The following WDR88 variants were observed in gnomAD, a reference collection of about 807,000 sequenced individuals.
The protein encoded by WDR88 is WD repeat-containing protein 88.
In WDR88, 40 loss-of-function variants were observed where a neutral mutation model predicts 46.8. The observed-to-expected ratio is 0.86, with a 90% CI of 0.66 to 1.11. WDR88 has a LOEUF of 1.11. WDR88 is among the 50% of genes most tolerant of loss of function. WDR88 has a pLI of 0.00. For missense variants in WDR88, 562 were observed against 602.4 expected (o/e 0.93, Z 0.70); for synonymous variants, 235 against 240.7 (o/e 0.98, Z 0.22).
At chr19:33,143,415 A>G (rs12983024) in intron 2 of WDR88, among the ~76,000 whole-genome samples, 16,409 of 148,514 alleles carry the variant, frequency 0.11, 1,168 homozygotes, top group South Asian at 0.21. Flanking sequence ...AGGTTGAGGC[A>G]GGAGGATCGC....
intron 8 of WDR88, among the ~76,000 whole-genome samples, chr19:33,161,359 C>A (rs977202857): frequency 2.0e-5 from 3 of 152,052 alleles, no homozygotes; most frequent in South Asian, 2.1e-4. Flanking sequence ...TGTTATCCAA[C>A]ACAGCAAGAA....
chr19:33,159,122 G>A (rs945164559), intron 7 of WDR88, among the ~76,000 whole-genome samples: 8 of 151,596 alleles, frequency 5.3e-5, no homozygotes, highest in African/African-American at 1.9e-4. Flanking sequence ...CTTGAACCCA[G>A]GAGTTTGAGA....
chr19:33,146,491 C>G, intron 3 of WDR88, among the ~76,000 whole-genome samples: 1 of 73,416 alleles, frequency 1.4e-5, no homozygotes. Context: ...TTCCTTCCTT[C>G]CTTCCCCTTC....
chr19:33,172,255 T>C, intron 9 of WDR88, 93 bp from the exon 10 acceptor site: 1 of 1,099,018 alleles, frequency 9.1e-7, no homozygotes, highest in Non-Finnish European at 1.3e-6. Flanking sequence ...TTTTGTGCCT[T>C]GACAGCCCAT....
rs1224444134 is a variant in WDR88 at position 33,132,146 on chromosome 19, G to A, written c.-24G>A. On this transcript the variant is annotated 5_prime_UTR_variant, in exon 1 of 11. Transcript: ENST00000355868. Reference sequence around the variant, plus strand: ...CCGTTCCCATCCAGGCTTGTCGGCGGCCACCGGCGGACCGGGCTTCGAGAT... The same window carrying A: ...CCGTTCCCATCCAGGCTTGTCGGCGACCACCGGCGGACCGGGCTTCGAGAT... The A allele has an allele frequency of 1.9e-6, 3 of 1,565,622 alleles. No individual in the cohort carries two copies. Among genetic ancestry groups the A allele is most frequent in the Non-Finnish European group, 2.6e-6 (3 of 1,160,134 alleles).
intron 9 of WDR88, among the ~76,000 whole-genome samples, chr19:33,167,714 ATCCT>A (rs1220500466): frequency 2.2e-5 from 3 of 135,010 alleles, no homozygotes; most frequent in Non-Finnish European, 4.8e-5. Context: ...CCTTCCTTCA[ATCCT>A]TCCTTCCTGC....
intron 1 of WDR88, among the ~76,000 whole-genome samples, chr19:33,135,845 T>A (rs1002320410): frequency 6.6e-6 from 1 of 152,218 alleles, no homozygotes; most frequent in Non-Finnish European, 1.5e-5. Context: ...CTAACAAATA[T>A]GACACAGTAT....
At chr19:33,142,481 G>A (rs568890486) in intron 2 of WDR88, among the ~76,000 whole-genome samples, 22 of 152,144 alleles carry the variant, frequency 1.4e-4, no homozygotes, top group African/African-American at 5.3e-4. Context: ...CTCATGGGAA[G>A]GAGGGCATAT....
chr19:33,167,736 C>T (rs996697862), intron 9 of WDR88, among the ~76,000 whole-genome samples: 1 of 150,940 alleles, frequency 6.6e-6, no homozygotes, highest in African/African-American at 2.5e-5. Context: ...TGCCTTCCCT[C>T]CTCTTTTCTC....
At chr19:33,168,966 A>C (rs1194617221) in intron 9 of WDR88, among the ~76,000 whole-genome samples, 4 of 152,216 alleles carry the variant, frequency 2.6e-5, no homozygotes, top group Non-Finnish European at 4.4e-5. Flanking sequence ...GGGATTTTTG[A>C]CGAGGGTGCC....
rs1395389291 is a variant in WDR88, at chr19:33,175,484, C to T, written c.1331C>T (p.Thr444Ile). ...FTQCVFCRIDTRGLPADTSSS... is the reference protein window; with the variant it reads ...FTQCVFCRIDIRGLPADTSSS... ...CAATGCGTGTTCTGCCGGATAGATA[C>T]AAGGGGCTTGCCAGCAGATACTTCA... The change falls in exon 11 of 11, where the codon ACA (threonine) becomes ATA (isoleucine). Residue 444 changes from threonine to isoleucine, a missense_variant. Transcript: ENST00000355868. 1 of 1,614,238 alleles carries T rather than the reference C, an allele frequency of 6.2e-7. No homozygotes were observed. Among genetic ancestry groups the T allele is most frequent in the Admixed American group, 1.7e-5 (1 of 60,016 alleles).
At chr19:33,141,554 A>G (rs1335769263) in intron 2 of WDR88, among the ~76,000 whole-genome samples, 1 of 152,150 alleles carries the variant, frequency 6.6e-6, no homozygotes, top group Non-Finnish European at 1.5e-5. Context: ...AATGACCAGA[A>G]AAAAGGTGGC....
chr19:33,170,854 C>T (rs563744249), intron 9 of WDR88, among the ~76,000 whole-genome samples: 205 of 151,744 alleles, frequency 1.4e-3, no homozygotes, highest in African/African-American at 4.9e-3. Context: ...AGAGTAAGAC[C>T]CTGTCTTAAA....
intron 2 of WDR88, among the ~76,000 whole-genome samples, chr19:33,139,970 T>A (rs1973356043): frequency 6.6e-6 from 1 of 152,140 alleles, no homozygotes; most frequent in South Asian, 2.1e-4. Flanking sequence ...CTGCCCATGC[T>A]GCACAGGACC....
intron 9 of WDR88, among the ~76,000 whole-genome samples, chr19:33,167,704 C>A (rs561406036): frequency 6.6e-6 from 1 of 151,522 alleles, no homozygotes; most frequent in African/African-American, 2.4e-5. Flanking sequence ...TTTCTTTCTT[C>A]CTTCCTTCAA....
chr19:33,161,582 G>A (rs1372681152), intron 8 of WDR88, among the ~76,000 whole-genome samples: 1 of 152,160 alleles, frequency 6.6e-6, no homozygotes, highest in Non-Finnish European at 1.5e-5. Flanking sequence ...TATCTGAGCT[G>A]TCTTCTCCTA....
chr19:33,174,455 T>C, intron 10 of WDR88: 11 of 985,370 alleles, frequency 1.1e-5, no homozygotes, highest in Non-Finnish European at 1.3e-5. Context: ...CCTCTGCCCA[T>C]GGCCTAGGAG....
At position 33,164,727 on chromosome 19, in the gene WDR88, C is replaced by T. The variant is rs56245404; in HGVS notation, c.1149+462C>T. On this transcript the variant is annotated intron_variant, in intron 9 of 10. Coordinates refer to ENST00000355868, the MANE Select transcript of WDR88 (RefSeq NM_173479.4). ...ACCCCGGAGAAGTGGGGACCTACTC[C>T]GCCCTCCACCCATATTAGAGCAGCA... is the stretch of plus-strand genomic sequence containing the variant. 9.6e-3 allele frequency among the ~76,000 whole-genome samples: 1,460 copies of T among 152,204 alleles called. 11 individuals are homozygous for T. The highest frequency in any genetic ancestry group is 0.014 in the Non-Finnish European group (942 of 68,022).
Position 33,160,465 on chromosome 19 carries a change from T to C in WDR88, c.1049T>C (p.Val350Ala). 2 of 1,614,224 alleles carry C rather than the reference T, an allele frequency of 1.2e-6. No individual in the cohort carries two copies. The highest frequency in any genetic ancestry group is 2.2e-5 in the South Asian group (2 of 91,088). The change falls in exon 8 of 11, where the codon GTA becomes GCA. Residue 350 changes from valine to alanine, a missense_variant. Coordinates refer to ENST00000355868, the MANE Select transcript of WDR88 (RefSeq NM_173479.4). ...GATAGGACTGTGGCTATTTGGGATG[T>C]AGCAGAAGGCTACCGGAAGCTCTCT... ...GFDRTVAIWD[V>A]AEGYRKLSLK...
Sources: gnomAD v4.1 joint callset for allele counts (sites outside exome capture counted in the v4.1 genomes callset) on GRCh38, gnomAD v4.1.1 for gene constraint, MANE v1.5 for transcripts, NCBI Gene and HGNC (gene_info 2026-07-23, HGNC 2026-07-21) for gene names.